The following SLC3A1 variants were observed in gnomAD, a reference collection of about 807,000 sequenced individuals.
The protein encoded by SLC3A1 is solute carrier family 3 member 1.
A neutral mutation model predicts 60.3 loss-of-function variants in SLC3A1; 78 were observed. That is an observed-to-expected ratio of 1.29 (90% CI 1.08 to 1.56). The LOEUF is 1.56. Ranked by LOEUF, SLC3A1 falls within the 40% of genes most tolerant of loss-of-function variation. The pLI is 0.00. For synonymous variants in SLC3A1, 392 were observed against 307.9 expected, an observed-to-expected ratio of 1.27 and a Z score of -2.86; for missense variants, 1,172 against 858.9, an observed-to-expected ratio of 1.36 and a Z score of -4.56.
intron 4 of SLC3A1, among the ~76,000 whole-genome samples, chr2:44,291,617 TGAA>T (rs1236811722): frequency 6.6e-6 from 1 of 152,224 alleles, no homozygotes; most frequent in Admixed American, 6.5e-5. Flanking sequence ...ACCTTTGGCA[TGAA>T]GGAGACTTCT....
chr2:44,317,348 A>G (rs934316179), intron 9 of SLC3A1, among the ~76,000 whole-genome samples: 6 of 151,880 alleles, frequency 4.0e-5, no homozygotes, highest in Non-Finnish European at 7.4e-5. Context: ...TGTAGTCCCA[A>G]CTACTCAGGA....
intron 7 of SLC3A1, among the ~76,000 whole-genome samples, chr2:44,305,619 G>C (rs551349569): frequency 1.3e-5 from 2 of 151,516 alleles, no homozygotes; most frequent in African/African-American, 4.8e-5. Flanking sequence ...GTACAGACGG[G>C]GTTTTACCAT....
intron 9 of SLC3A1, chr2:44,315,316 G>C (rs1672401463): frequency 1.3e-5 from 2 of 151,906 alleles, no homozygotes; most frequent in Admixed American, 1.3e-4. Flanking sequence ...AATGACCCTG[G>C]AAAGGAACAG....
chr2:44,313,695 C>T, intron 8 of SLC3A1, 140 bp from the exon 9 acceptor site: 1 of 775,340 alleles, frequency 1.3e-6, no homozygotes, highest in Non-Finnish European at 2.3e-6. Flanking sequence ...AAGTTGAGGC[C>T]TTTTCATCAC....
chr2:44,294,110 A>C (rs1208696840), intron 4 of SLC3A1, among the ~76,000 whole-genome samples: 2 of 152,174 alleles, frequency 1.3e-5, no homozygotes, highest in Non-Finnish European at 1.5e-5. Flanking sequence ...AAGGGAGACA[A>C]ACCAAGGGGC....
intron 7 of SLC3A1, among the ~76,000 whole-genome samples, chr2:44,307,504 T>G (rs1672187066): frequency 3.3e-5 from 5 of 152,064 alleles, no homozygotes; most frequent in Admixed American, 3.3e-4. Flanking sequence ...TCAAGCCTTG[T>G]GATGGTCTGC....
At chr2:44,308,933 C>G (rs372917712) in intron 7 of SLC3A1, among the ~76,000 whole-genome samples, 1 of 152,094 alleles carries the variant, frequency 6.6e-6, no homozygotes, top group Non-Finnish European at 1.5e-5. Flanking sequence ...GGGGTTTCAC[C>G]GTGTTAGCCA....
At chr2:44,281,256 T>G in intron 2 of SLC3A1, 131 bp from the exon 3 acceptor site, 1 of 755,010 alleles carries the variant, frequency 1.3e-6, no homozygotes, top group Non-Finnish European at 2.3e-6. Flanking sequence ...CCTCCTGGGC[T>G]CAAGCAATCC....
intron 7 of SLC3A1, among the ~76,000 whole-genome samples, chr2:44,310,881 C>A (rs1188103199): frequency 3.9e-5 from 6 of 151,964 alleles, no homozygotes; most frequent in African/African-American, 1.5e-4. Flanking sequence ...TCACTGCAAC[C>A]TTGATGTCCT....
Position 44,300,096 on chromosome 2 carries a change from G to T in SLC3A1, c.1011+6G>T. Reference sequence around the variant, plus strand: ...TAAATAAGACCCAAATCCCGGTAAAGTTTTATTTTAAACGTTTTTCTTTTG... The same window carrying T: ...TAAATAAGACCCAAATCCCGGTAAATTTTTATTTTAAACGTTTTTCTTTTG... On this transcript the variant is annotated splice_donor_region_variant and intron_variant, in intron 5 of 9. Transcript: ENST00000260649. 1 of 1,613,822 alleles carries T rather than the reference G, an allele frequency of 6.2e-7. No individual in the cohort carries two copies. Among genetic ancestry groups the T allele is most frequent in the African/African-American group, 1.3e-5 (1 of 75,032 alleles).
intron 4 of SLC3A1, among the ~76,000 whole-genome samples, chr2:44,290,683 C>CTTTT (rs11377273): frequency 6.9e-6 from 1 of 144,238 alleles, no homozygotes; most frequent in Non-Finnish European, 1.5e-5. Flanking sequence ...ATTTTTAAGA[C>CTTTT]TTTTTTTTTT....
intron 6 of SLC3A1, chr2:44,303,783 A>G (rs977615247): frequency 2.4e-6 from 1 of 418,100 alleles, no homozygotes. Flanking sequence ...CCCTGTGTCC[A>G]TGTGTTCTCG....
At position 44,280,808 on chromosome 2, in the gene SLC3A1, T is replaced by C. The variant is rs1316818840; in HGVS notation, c.523T>C (p.Tyr175His). 8.1e-6 allele frequency: 13 copies of C among 1,613,566 alleles called. No individual in the cohort carries two copies. Among genetic ancestry groups the C allele is most frequent in the Non-Finnish European group, 1.1e-5 (13 of 1,179,468 alleles). The change falls in exon 2 of 10, where the codon TAT becomes CAT. Residue 175 changes from tyrosine (Y) to histidine (H), a missense_variant. By Grantham distance (83) the Tyr-to-His change is moderately conservative. Transcript: ENST00000260649. ...FYKSSLKDFR[Y>H]GVEDFREVDP... is the part of the protein sequence containing the mutation. Reference sequence around the variant, plus strand: ...TAAATCGTCCCTTAAAGATTTCAGATATGGTGTTGAAGATTTCCGGGAAGT... The same window carrying C: ...TAAATCGTCCCTTAAAGATTTCAGACATGGTGTTGAAGATTTCCGGGAAGT...
rs147701210 is a variant in SLC3A1 at position 44,275,825 on chromosome 2, T to G, written c.290T>G (p.Val97Gly). 20 of 1,614,106 alleles carry G rather than the reference T, an allele frequency of 1.2e-5. No homozygotes were observed. The African/African-American group carries it at 2.7e-4, about 22-fold the overall frequency. The change falls in exon 1 of 10, where the codon GTG (valine) becomes GGG (glycine). Residue 97 changes from valine to glycine, a missense_variant. Transcript: ENST00000260649. ...EILFWLTVASVLVLIAATIAI... is the reference protein window; with the variant it reads ...EILFWLTVASGLVLIAATIAI... ...CTCTTCTGGCTCACAGTGGCTTCTG[T>G]GCTGGTGCTCATCGCGGCCACCATA...
intron 7 of SLC3A1, among the ~76,000 whole-genome samples, chr2:44,312,000 G>A (rs1672310322): frequency 6.6e-6 from 1 of 152,134 alleles, no homozygotes. Context: ...GGAGAGAGTT[G>A]TCAGGTGATT....
rs143991991 is a variant in SLC3A1 at position 44,299,943 on chromosome 2, A to G, written c.892-28A>G. 30 of 1,613,238 alleles carry G rather than the reference A, an allele frequency of 1.9e-5. No individual in the cohort carries two copies. In the East Asian group the frequency reaches 6.5e-4, roughly 35 times the overall value. ...TTGTGATAATAACGTAGTTAATGTAACCAAGCATTTTGCTTCTTCATCTTT... is the reference window on the plus strand; with the variant it reads ...TTGTGATAATAACGTAGTTAATGTAGCCAAGCATTTTGCTTCTTCATCTTT... On this transcript the variant is annotated intron_variant, in intron 4 of 9. Transcript: ENST00000260649.
At chr2:44,313,814 C>T in intron 8 of SLC3A1, 21 bp from the exon 9 acceptor site, 1 of 1,572,154 alleles carries the variant, frequency 6.4e-7, no homozygotes, top group Non-Finnish European at 8.8e-7. Flanking sequence ...ACTGTTTTCC[C>T]TTTCTGGTCT....
Position 44,281,556 on chromosome 2 carries a change from GTC to G in SLC3A1, c.765+17_765+18del, listed in dbSNP as rs1558453664. On this transcript the variant is annotated intron_variant, in intron 3 of 9. Transcript: ENST00000260649. The stretch of plus-strand genomic sequence containing the variant: ...CCAACAACTGGGTAAGTATCAACCT[GTC>G]TGACTTACAAAGGGGTAAAAGGCAG... The G allele has an allele frequency of 6.2e-7, 1 of 1,613,414 alleles. No individual in the cohort carries two copies. The highest frequency in any genetic ancestry group is 1.3e-5 in the African/African-American group (1 of 74,990).
chr2:44,318,073 A>G (rs1339142538), intron 9 of SLC3A1: 1 of 442,504 alleles, frequency 2.3e-6, no homozygotes, highest in Non-Finnish European at 4.5e-6. Flanking sequence ...GTGCACAATA[A>G]TACTTAAAGG....
Sources: allele counts gnomAD v4.1 joint callset (sites outside exome capture counted in the v4.1 genomes callset), GRCh38; gene constraint gnomAD v4.1.1; transcripts MANE v1.5; gene names NCBI Gene and HGNC (gene_info 2026-07-23, HGNC 2026-07-21).